ANKFN1: variants seen among roughly 807,000 people sequenced by gnomAD.
The protein encoded by ANKFN1 is ankyrin repeat and fibronectin type-III domain-containing protein 1.
A neutral mutation model predicts 108.7 loss-of-function variants in ANKFN1; 74 were observed. The ratio of observed to expected loss-of-function variants is 0.68; its 90% confidence interval spans 0.56 to 0.83. ANKFN1 has a LOEUF of 0.83. Among genes scored for constraint, ANKFN1 ranks in the 40% least tolerant of loss-of-function variants. The pLI is 0.00. For synonymous variants in ANKFN1, 547 were observed against 516.2 expected (o/e 1.06, Z -0.81); for missense variants, 1,505 against 1,382.3 (o/e 1.09, Z -1.41).
At chr17:56,206,082 A>T (rs995339463) in intron 1 of ANKFN1, among the ~76,000 whole-genome samples, 3 of 152,188 alleles carry the variant, frequency 2.0e-5, no homozygotes, top group African/African-American at 7.2e-5. Flanking sequence ...CTTAAAGCTG[A>T]TGAAGTTTAT....
intron 3 of ANKFN1, among the ~76,000 whole-genome samples, chr17:56,299,194 G>T (rs1237092479): frequency 6.6e-6 from 1 of 152,180 alleles, no homozygotes; most frequent in African/African-American, 2.4e-5. Context: ...AAATTACTCT[G>T]GAGGATTTGT....
chr17:56,465,857 G>A (rs562858050), intron 14 of ANKFN1, among the ~76,000 whole-genome samples: 5 of 152,312 alleles, frequency 3.3e-5, no homozygotes, highest in African/African-American at 1.2e-4. Context: ...TGAAGGGAAT[G>A]TGCAGTCATT....
At chr17:56,081,196 G>A (rs1905241243) in intron 4 of ANKFN1, among the ~76,000 whole-genome samples, 2 of 152,170 alleles carry the variant, frequency 1.3e-5, no homozygotes, top group Non-Finnish European at 2.9e-5. Context: ...ACCAAGGCAA[G>A]TTTTAGAACA....
chr17:56,511,537 C>A lies in ANKFN1; in HGVS notation c.*268C>A. 2.4e-6 allele frequency: 1 copy of A among 424,728 alleles called. No individual in the cohort carries two copies. The highest frequency in any genetic ancestry group is 4.2e-6 in the Non-Finnish European group (1 of 239,586). 26.3% of individuals were successfully genotyped at this position (424,728 alleles called of 1,614,324 possible). ...ACGACATACAGTGACTCAAACATGC[C>A]ACCCTGTTGGTGGCACCTATGACTG... On this transcript the variant is annotated 3_prime_UTR_variant, in exon 21 of 21. Coordinates refer to ENST00000682825, the MANE Select transcript of ANKFN1 (RefSeq NM_001370326.1).
intron 3 of ANKFN1, among the ~76,000 whole-genome samples, chr17:56,229,521 T>C (rs944194826): frequency 6.6e-6 from 1 of 152,036 alleles, no homozygotes; most frequent in Non-Finnish European, 1.5e-5. Context: ...ATACTTGGTA[T>C]ATATTAATCG....
At position 56,287,184 on chromosome 17, in the gene ANKFN1, G is replaced by A. The variant is rs149257855; in HGVS notation, c.54-39037G>A. On this transcript the variant is annotated intron_variant, in intron 3 of 20. Transcript: ENST00000682825. ...AGAGGTAAATAATTTACTCAAAGTCGCAGAGCTGGGACTCAGTGCAGTCAG... is the reference window on the plus strand; with the variant it reads ...AGAGGTAAATAATTTACTCAAAGTCACAGAGCTGGGACTCAGTGCAGTCAG... Among the ~76,000 whole-genome samples the A allele has an allele frequency of 6.8e-4, 103 of 152,168 alleles. 1 individual carries two copies. The highest frequency in any genetic ancestry group is 2.2e-3 in the Admixed American group (33 of 15,284).
intron 8 of ANKFN1, 130 bp from the exon 9 acceptor site, chr17:56,440,197 A>G (rs746317955): frequency 3.2e-5 from 15 of 463,860 alleles, no homozygotes; most frequent in African/African-American, 5.9e-5. Flanking sequence ...ACACCAATAT[A>G]AAGAAAGGAG....
Position 56,466,561 on chromosome 17 carries a change from T to A in ANKFN1, c.1763T>A (p.Ile588Lys). ...EEPTALDILLITIQDILSYHK... is the reference protein window; with the variant it reads ...EEPTALDILLKTIQDILSYHK... ...CCAACAGCTTTAGACATTCTACTGA[T>A]AACCATCCAGGTATGTAGTTTTTTT... Residue 588 changes from isoleucine to lysine, a missense_variant, in exon 15 of 21, where the codon ATA becomes AAA. Coordinates refer to ENST00000682825, the MANE Select transcript of ANKFN1 (RefSeq NM_001370326.1). The A allele has an allele frequency of 6.2e-7, 1 of 1,609,794 alleles. No individual in the cohort carries two copies. Among genetic ancestry groups the A allele is most frequent in the Non-Finnish European group, 8.5e-7 (1 of 1,177,728 alleles).
intron 20 of ANKFN1, among the ~76,000 whole-genome samples, chr17:56,501,983 A>G (rs2051386411): frequency 1.3e-5 from 2 of 152,202 alleles, no homozygotes; most frequent in African/African-American, 4.8e-5. Context: ...ATTAAATGAG[A>G]GGTAAAGAAG....
intron 8 of ANKFN1, among the ~76,000 whole-genome samples, chr17:56,420,846 T>C (rs960329185): frequency 1.3e-5 from 2 of 152,090 alleles, no homozygotes; most frequent in Non-Finnish European, 2.9e-5. Flanking sequence ...TAGCTGGGAC[T>C]ACAGGCGCCC....
In ANKFN1 at chr17:56,175,591, C is replaced by T. The variant is rs530397224; in HGVS notation, c.-71+22061C>T. On this transcript the variant is annotated intron_variant, in intron 1 of 20. Coordinates refer to ENST00000682825, the MANE Select transcript of ANKFN1 (RefSeq NM_001370326.1). The stretch of plus-strand genomic sequence containing the variant: ...AGAGCCAGTGAGGCCAGTTGACAAG[C>T]GATGGTGAAGTCCAGATCCCCACCT... 2.0e-5 allele frequency among the ~76,000 whole-genome samples: 3 copies of T among 152,234 alleles called. No homozygotes were observed. The South Asian group carries it at 6.2e-4, about 32-fold the overall frequency.
intron 7 of ANKFN1, among the ~76,000 whole-genome samples, chr17:56,374,264 G>C (rs755000048): frequency 9.9e-5 from 15 of 152,190 alleles, no homozygotes; most frequent in Non-Finnish European, 1.6e-4. Context: ...TAAAACGTAA[G>C]GGTGTCCACT....
At chr17:56,425,622 G>A (rs1206444991) in intron 8 of ANKFN1, among the ~76,000 whole-genome samples, 3 of 151,862 alleles carry the variant, frequency 2.0e-5, no homozygotes, top group East Asian at 1.9e-4. Flanking sequence ...GCAATTCCCC[G>A]ACCACACCAT....
Position 56,434,781 on chromosome 17 carries a change from TTC to T in ANKFN1, c.911-5530_911-5529del, listed in dbSNP as rs57734269. ...TCGGTCTGGGTTTCTCGGCACGTCC[TTC>T]TCTCTCTCTCTCTCTTCTTCTTGTG... On this transcript the variant is annotated intron_variant, in intron 8 of 20. Coordinates refer to ENST00000682825, the MANE Select transcript of ANKFN1 (RefSeq NM_001370326.1). Among the ~76,000 whole-genome samples, 7 of 150,330 alleles carry T rather than the reference TTC, an allele frequency of 4.7e-5. No individual in the cohort carries two copies. In the East Asian group the frequency reaches 5.9e-4, roughly 13 times the overall value.
intron 4 of ANKFN1, among the ~76,000 whole-genome samples, chr17:56,144,332 G>A (rs111716396): frequency 6.6e-6 from 1 of 152,098 alleles, no homozygotes; most frequent in Non-Finnish European, 1.5e-5. Flanking sequence ...TGCACTTTAG[G>A]TCAGGCTGTT....
At position 56,513,330 on chromosome 17, in the gene ANKFN1, C is replaced by T. The variant is rs2051828770; in HGVS notation, c.*2061C>T. 6.6e-6 allele frequency among the ~76,000 whole-genome samples: 1 copy of T among 152,190 alleles called. No homozygotes were observed. Among genetic ancestry groups the T allele is most frequent in the Non-Finnish European group, 1.5e-5 (1 of 68,030 alleles). The stretch of plus-strand genomic sequence containing the variant: ...GCTGCTTGTTGCCAAGGAATACAGA[C>T]TTCATGTAATACACATCTAAGTTAA... On this transcript the variant is annotated 3_prime_UTR_variant, in exon 21 of 21. Transcript: ENST00000682825.
intron 3 of ANKFN1, among the ~76,000 whole-genome samples, chr17:56,243,478 C>T (rs1315270470): frequency 1.3e-5 from 2 of 152,116 alleles, no homozygotes; most frequent in African/African-American, 2.4e-5. Flanking sequence ...CTCAATAGTC[C>T]CAAGGACAGC....
At chr17:56,283,666 C>T (rs1463922739) in intron 3 of ANKFN1, among the ~76,000 whole-genome samples, 3 of 151,906 alleles carry the variant, frequency 2.0e-5, no homozygotes, top group Non-Finnish European at 4.4e-5. Context: ...TATGTTCTCA[C>T]TCATAAGTGT....
intron 3 of ANKFN1, among the ~76,000 whole-genome samples, chr17:56,297,022 T>C (rs1265440680): frequency 6.6e-6 from 1 of 152,210 alleles, no homozygotes. Context: ...GAAATGTAGA[T>C]TCATTGGATC....
Sources: allele counts gnomAD v4.1 joint callset (sites outside exome capture counted in the v4.1 genomes callset), GRCh38; gene constraint gnomAD v4.1.1; transcripts MANE v1.5; gene names NCBI Gene and HGNC (gene_info 2026-07-23, HGNC 2026-07-21).